Variants in SLC7A1 observed in about 807,000 individuals in gnomAD.
SLC7A1 encodes solute carrier family 7 member 1.
In SLC7A1, 10 loss-of-function variants were observed where a neutral mutation model predicts 53.9. That is an observed-to-expected ratio of 0.19 (90% CI 0.11 to 0.31). The LOEUF (loss-of-function observed/expected upper bound fraction) is 0.31, where lower values mean the gene tolerates loss of function less well. SLC7A1 is among the 10% of genes least tolerant of loss of function. The probability of loss-of-function intolerance (pLI) is 1.00; values close to 1 mark genes in which losing one functional copy is unlikely to be tolerated. For missense variants in SLC7A1, 525 were observed against 827.2 expected (o/e 0.63, Z 4.48); for synonymous variants, 342 against 338.7 (o/e 1.01, Z -0.11).
intron 1 of SLC7A1, among the ~76,000 whole-genome samples, chr13:29,589,668 T>C (rs1323637673): frequency 1.3e-5 from 2 of 152,208 alleles, no homozygotes; most frequent in African/African-American, 4.8e-5. Context: ...CAGCACCACC[T>C]GGACTCAGCC....
At chr13:29,589,275 C>T (rs372548027) in intron 1 of SLC7A1, among the ~76,000 whole-genome samples, 43 of 152,268 alleles carry the variant, frequency 2.8e-4, no homozygotes, top group Non-Finnish European at 4.6e-4. Context: ...CCCCTACGAA[C>T]AGTCTCTGAT....
chr13:29,521,468 G>T (rs761664382), intron 8 of SLC7A1, among the ~76,000 whole-genome samples: 1 of 152,176 alleles, frequency 6.6e-6, no homozygotes, highest in African/African-American at 2.4e-5. Context: ...GAATCACAAG[G>T]CCGCTCCACC....
chr13:29,592,911 C>T (rs897019625), intron 1 of SLC7A1, among the ~76,000 whole-genome samples: 5 of 152,064 alleles, frequency 3.3e-5, no homozygotes, highest in Admixed American at 6.5e-5. Flanking sequence ...CAGGACAAGT[C>T]CACCACCAGG....
chr13:29,582,041 C>T (rs926340172), intron 1 of SLC7A1, among the ~76,000 whole-genome samples: 3 of 152,240 alleles, frequency 2.0e-5, no homozygotes, highest in Non-Finnish European at 2.9e-5. Flanking sequence ...CCTGGCAAGG[C>T]GCTAAAAGCT....
At chr13:29,520,155 G>A (rs970960005) in intron 8 of SLC7A1, among the ~76,000 whole-genome samples, 3 of 151,346 alleles carry the variant, frequency 2.0e-5, no homozygotes, top group Admixed American at 1.3e-4. Flanking sequence ...TCATCCATCC[G>A]ATCCACCCAT....
intron 2 of SLC7A1, among the ~76,000 whole-genome samples, chr13:29,549,274 C>A (rs1179634286): frequency 2.0e-5 from 3 of 152,182 alleles, no homozygotes; most frequent in South Asian, 2.1e-4. Flanking sequence ...AAACCGTACC[C>A]GTGGACCAGG....
intron 2 of SLC7A1, among the ~76,000 whole-genome samples, chr13:29,551,891 T>C (rs1033649787): frequency 6.6e-6 from 1 of 152,152 alleles, no homozygotes; most frequent in African/African-American, 2.4e-5. Context: ...TTCTGCACCT[T>C]TGTTTCTGAC....
chr13:29,574,467 A>G (rs485359), intron 1 of SLC7A1, among the ~76,000 whole-genome samples: 131,562 of 152,238 alleles, frequency 0.86, 57,860 homozygotes, highest in Middle Eastern at 0.96. Context: ...GAACCTGGGA[A>G]AGTCAGTGCC....
chr13:29,535,802 G>A lies in SLC7A1; in HGVS notation c.370+17C>T, dbSNP rs2274837. On this transcript the variant is annotated intron_variant, in intron 3 of 12. Coordinates refer to ENST00000380752, the MANE Select transcript of SLC7A1 (RefSeq NM_003045.5). ...AAAAGTGGTAGAGGGCACGAGCTCCGGACCCCTGGGACCTACCGATGATGT... is the reference window on the plus strand; with the variant it reads ...AAAAGTGGTAGAGGGCACGAGCTCCAGACCCCTGGGACCTACCGATGATGT... 331,611 of 1,601,616 alleles carry A rather than the reference G, an allele frequency of 0.21. 36,045 individuals are homozygous for A. Among genetic ancestry groups the A allele is most frequent in the African/African-American group, 0.22 (16,288 of 74,728 alleles).
At chr13:29,557,506 G>T (rs1870489249) in intron 1 of SLC7A1, among the ~76,000 whole-genome samples, 2 of 151,952 alleles carry the variant, frequency 1.3e-5, no homozygotes, top group Non-Finnish European at 2.9e-5. Context: ...GAATACTGTA[G>T]GCAACAGTCA....
At chr13:29,529,680 A>T (rs4769757) in intron 5 of SLC7A1, among the ~76,000 whole-genome samples, 6 of 152,196 alleles carry the variant, frequency 3.9e-5, no homozygotes, top group Non-Finnish European at 7.3e-5. Flanking sequence ...GACTGGAAAC[A>T]TCTCTTCTTT....
At chr13:29,541,331 T>C (rs144732064) in intron 2 of SLC7A1, among the ~76,000 whole-genome samples, 31 of 152,212 alleles carry the variant, frequency 2.0e-4, no homozygotes, top group African/African-American at 6.7e-4. Flanking sequence ...GAAGGAGCAA[T>C]GGAGGTCCCT....
intron 1 of SLC7A1, among the ~76,000 whole-genome samples, chr13:29,585,156 A>G (rs1871827950): frequency 6.6e-6 from 1 of 152,228 alleles, no homozygotes. Flanking sequence ...CTTGGGCATC[A>G]TCACAGAGAA....
At chr13:29,586,771 C>T (rs1198349761) in intron 1 of SLC7A1, 1 of 152,258 alleles carries the variant, frequency 6.6e-6, no homozygotes, top group South Asian at 2.1e-4. Flanking sequence ...TGAATATTCA[C>T]ATCCACACCA....
intron 1 of SLC7A1, among the ~76,000 whole-genome samples, chr13:29,575,130 T>G (rs1871358113): frequency 6.6e-6 from 1 of 152,214 alleles, no homozygotes; most frequent in African/African-American, 2.4e-5. Context: ...CCTCCTAAAC[T>G]CAAGCTAATC....
chr13:29,549,725 C>A (rs959991764), intron 2 of SLC7A1, among the ~76,000 whole-genome samples: 3 of 152,220 alleles, frequency 2.0e-5, no homozygotes, highest in Non-Finnish European at 2.9e-5. Context: ...AGTGCAGGGG[C>A]ACCATCTCGG....
chr13:29,523,245 C>G, intron 7 of SLC7A1, 21 bp downstream of exon 7: 1 of 1,602,754 alleles, frequency 6.2e-7, no homozygotes, highest in Non-Finnish European at 8.5e-7. Context: ...TAGGAGCAGC[C>G]ACCACAGAAA....
At chr13:29,570,366 A>ATGAGGGCAG (rs1871140730) in intron 1 of SLC7A1, among the ~76,000 whole-genome samples, 1 of 152,258 alleles carries the variant, frequency 6.6e-6, no homozygotes, top group South Asian at 2.1e-4. Flanking sequence ...ATGAGGAATC[A>ATGAGGGCAG]GAAGCCCTGC....
chr13:29,569,132 G>C (rs931804466), intron 1 of SLC7A1, among the ~76,000 whole-genome samples: 3 of 152,124 alleles, frequency 2.0e-5, no homozygotes, highest in African/African-American at 7.2e-5. Context: ...ATCGCATCCT[G>C]TTTGCCCCCA....
Sources: allele counts gnomAD v4.1 joint callset (sites outside exome capture counted in the v4.1 genomes callset), GRCh38; gene constraint gnomAD v4.1.1; transcripts MANE v1.5; gene names NCBI Gene and HGNC (gene_info 2026-07-23, HGNC 2026-07-21).